Variants in CDH13 observed in about 807,000 individuals in gnomAD.
CDH13 encodes cadherin-13.
A neutral mutation model predicts 63.8 loss-of-function variants in CDH13; 24 were observed. The observed-to-expected ratio is 0.38, with a 90% confidence interval of 0.27 to 0.53. CDH13 has a LOEUF of 0.53. Among genes scored for constraint, CDH13 ranks in the 20% least tolerant of loss-of-function variants. CDH13 has a pLI of 0.85. For synonymous variants in CDH13, 503 were observed against 355.3 expected (o/e 1.42, Z -4.67); for missense variants, 1,049 against 903.1 (o/e 1.16, Z -2.07).
chr16:83,163,249 A>G (rs2037522385), intron 4 of CDH13, among the ~76,000 whole-genome samples: 1 of 152,044 alleles, frequency 6.6e-6, no homozygotes, highest in Non-Finnish European at 1.5e-5. Context: ...AATCTCGAGT[A>G]TGTCTTTATC....
At chr16:83,524,406 T>C (rs1419551856) in intron 7 of CDH13, among the ~76,000 whole-genome samples, 1 of 150,940 alleles carries the variant, frequency 6.6e-6, no homozygotes, top group Non-Finnish European at 1.5e-5. Flanking sequence ...GTCTAGCAGG[T>C]GGACTGAGAG....
At chr16:83,308,436 C>T (rs1201592537) in intron 5 of CDH13, among the ~76,000 whole-genome samples, 1 of 152,192 alleles carries the variant, frequency 6.6e-6, no homozygotes, top group Non-Finnish European at 1.5e-5. Flanking sequence ...TTCTAATATT[C>T]TCAGAAGATC....
At chr16:83,183,038 G>A (rs892806926) in intron 4 of CDH13, among the ~76,000 whole-genome samples, 2 of 152,008 alleles carry the variant, frequency 1.3e-5, no homozygotes, top group Non-Finnish European at 2.9e-5. Flanking sequence ...TTGTCCACCT[G>A]ATTAAAATTA....
At chr16:82,882,479 C>G (rs1311531539) in intron 2 of CDH13, among the ~76,000 whole-genome samples, 1 of 152,196 alleles carries the variant, frequency 6.6e-6, no homozygotes. Context: ...CGCTGGCAGG[C>G]AAGCTAACCA....
chr16:82,964,889 G>A (rs1907582923), intron 2 of CDH13, among the ~76,000 whole-genome samples: 1 of 152,134 alleles, frequency 6.6e-6, no homozygotes, highest in African/African-American at 2.4e-5. Context: ...AACTTTTAGT[G>A]AATTAGCCGA....
At chr16:83,785,326 C>A (rs571572002) in intron 13 of CDH13, among the ~76,000 whole-genome samples, 44 of 152,288 alleles carry the variant, frequency 2.9e-4, no homozygotes, top group African/African-American at 9.9e-4. Context: ...GGCGCCTTCT[C>A]CCTGCATTTT....
At chr16:83,501,353 A>C (rs1317678690) in intron 7 of CDH13, among the ~76,000 whole-genome samples, 1 of 152,204 alleles carries the variant, frequency 6.6e-6, no homozygotes, top group Non-Finnish European at 1.5e-5. Flanking sequence ...TGTCTTCTAA[A>C]TTGTTGTGTG....
intron 2 of CDH13, among the ~76,000 whole-genome samples, chr16:83,023,816 G>A (rs894178583): frequency 1.3e-5 from 2 of 152,126 alleles, no homozygotes; most frequent in African/African-American, 4.8e-5. Context: ...GGAAATTTAG[G>A]ATATGATTAT....
chr16:83,741,611 T>C (rs1388389326), intron 10 of CDH13, among the ~76,000 whole-genome samples: 2 of 152,168 alleles, frequency 1.3e-5, no homozygotes, highest in East Asian at 3.9e-4. Flanking sequence ...ATTTGATACG[T>C]ATATAATCTG....
intron 4 of CDH13, among the ~76,000 whole-genome samples, chr16:83,201,613 G>A (rs546705474): frequency 7.2e-5 from 11 of 152,050 alleles, no homozygotes; most frequent in Non-Finnish European, 1.0e-4. Context: ...ATTGAGTAAC[G>A]TTGGCTGGGC....
At chr16:83,463,379 C>G (rs548545024) in intron 6 of CDH13, among the ~76,000 whole-genome samples, 190 of 152,298 alleles carry the variant, frequency 1.2e-3, no homozygotes, top group Non-Finnish European at 2.1e-3. Context: ...GCTGGGGGCT[C>G]GGCTCCATGT....
At chr16:83,468,900 T>A (rs575471124) in intron 6 of CDH13, among the ~76,000 whole-genome samples, 1 of 152,216 alleles carries the variant, frequency 6.6e-6, no homozygotes, top group African/African-American at 2.4e-5. Context: ...TAGCCCAGTG[T>A]AAACTTTGAT....
At chr16:83,606,283 T>G (rs1908322097) in intron 8 of CDH13, among the ~76,000 whole-genome samples, 1 of 152,100 alleles carries the variant, frequency 6.6e-6, no homozygotes, top group Non-Finnish European at 1.5e-5. Flanking sequence ...ATATATGAGG[T>G]TTTTAAATTC....
intron 7 of CDH13, among the ~76,000 whole-genome samples, chr16:83,519,006 C>G (rs867547876): frequency 6.6e-6 from 1 of 152,176 alleles, no homozygotes; most frequent in Non-Finnish European, 1.5e-5. Flanking sequence ...CAGTTTGTAA[C>G]GTAGGCACTA....
At chr16:83,216,428 A>ATATATATG (rs2039526450) in intron 4 of CDH13, among the ~76,000 whole-genome samples, 1 of 62,888 alleles carries the variant, frequency 1.6e-5, no homozygotes, top group Non-Finnish European at 3.2e-5. Context: ...ATATATATAT[A>ATATATATG]TATATATATA....
At chr16:83,575,522 G>C (rs1009442364) in intron 7 of CDH13, among the ~76,000 whole-genome samples, 1 of 152,126 alleles carries the variant, frequency 6.6e-6, no homozygotes, top group East Asian at 1.9e-4. Context: ...CACACCACGT[G>C]TCCCTCTGTC....
rs76071700 is a variant in CDH13, at chr16:82,818,421, T to C, written c.46-39941T>C. Among the ~76,000 whole-genome samples, 85 of 152,252 alleles carry C rather than the reference T, an allele frequency of 5.6e-4. 3 individuals carry two copies. Among genetic ancestry groups the C allele is most frequent in the African/African-American group, 1.7e-3 (70 of 41,548 alleles). On this transcript the variant is annotated intron_variant, in intron 1 of 13. Transcript: ENST00000567109. ...AACAAGAAAGAAGGAACCCTAAGTA[T>C]GTTCATCGAGCTACTCACAGAAAAC... is the stretch of plus-strand genomic sequence containing the variant.
intron 2 of CDH13, chr16:82,954,103 C>T (rs561786697): frequency 3.5e-4 from 53 of 152,256 alleles, no homozygotes; most frequent in African/African-American, 1.3e-3. Flanking sequence ...AGGAAGGCAA[C>T]ACCAGGATGC....
rs188097547 is a variant in CDH13, at chr16:82,870,742, G to A, written c.157+12269G>A. ...AGTATATCTGTATCAAAACATCATA[G>A]GTCCCCTCTAAAAATATACAACTAT... On this transcript the variant is annotated intron_variant, in intron 2 of 13. Transcript: ENST00000567109. Among the ~76,000 whole-genome samples, 363 of 152,106 alleles carry A rather than the reference G, an allele frequency of 2.4e-3. 4 individuals are homozygous for A. Among genetic ancestry groups the A allele is most frequent in the African/African-American group, 7.8e-3 (322 of 41,484 alleles).
Sources: gnomAD v4.1 joint callset for allele counts (sites outside exome capture counted in the v4.1 genomes callset) on GRCh38, gnomAD v4.1.1 for gene constraint, MANE v1.5 for transcripts, NCBI Gene and HGNC (gene_info 2026-07-23, HGNC 2026-07-21) for gene names.